TBCK: variants seen among roughly 807,000 people sequenced by gnomAD.
The protein encoded by TBCK is TBC domain-containing protein kinase-like protein.
In TBCK, 99 loss-of-function variants were observed where a neutral mutation model predicts 113.4. The observed-to-expected ratio is 0.87, with a 90% confidence interval of 0.74 to 1.03. The LOEUF (loss-of-function observed/expected upper bound fraction) is 1.03, where lower values mean the gene tolerates loss of function less well. Among genes scored for constraint, TBCK ranks in the 50% least tolerant of loss-of-function variants. The pLI is 0.00. For synonymous variants in TBCK, 369 were observed against 370.8 expected, an observed-to-expected ratio of 1.00 and a Z score of 0.05; for missense variants, 1,045 against 1,061.3, an observed-to-expected ratio of 0.98 and a Z score of 0.21.
At chr4:106,050,686 C>T (rs1344542600) in intron 25 of TBCK, among the ~76,000 whole-genome samples, 1 of 152,026 alleles carries the variant, frequency 6.6e-6, no homozygotes, top group Non-Finnish European at 1.5e-5. Context: ...CTAAGGCCCA[C>T]TATAGGGCTA....
rs890434423 is a variant in TBCK at position 106,043,362 on chromosome 4, T to C, written c.*3208A>G. On this transcript the variant is annotated 3_prime_UTR_variant, in exon 26 of 26. Coordinates refer to ENST00000394708, the MANE Select transcript of TBCK (RefSeq NM_001163435.3). ...GAGATTTCAATTTATTTCTATACTA[T>C]CAGGTACCAGATAAGTTTGGCAGTT... is the stretch of plus-strand genomic sequence containing the variant. 6.6e-6 allele frequency: 1 copy of C among 152,176 alleles called. No homozygotes were observed. The highest frequency in any genetic ancestry group is 1.9e-4 in the East Asian group (1 of 5,194). 9.4% of individuals were successfully genotyped at this position (152,176 alleles called of 1,614,324 possible).
At chr4:106,204,930 T>C (rs1476365465) in intron 20 of TBCK, among the ~76,000 whole-genome samples, 1 of 149,454 alleles carries the variant, frequency 6.7e-6, no homozygotes, top group Non-Finnish European at 1.5e-5. Flanking sequence ...CGCGCCCGGC[T>C]AATTTTTTGT....
rs544852175 is a variant in TBCK, at chr4:106,117,854, A to C, written c.2236-1476T>G. Among the ~76,000 whole-genome samples the C allele has an allele frequency of 3.9e-5, 6 of 152,120 alleles. No individual in the cohort carries two copies. In the South Asian group the frequency reaches 8.3e-4, roughly 21 times the overall value. On this transcript the variant is annotated intron_variant, in intron 23 of 25. Transcript: ENST00000394708. ...GAAACCCTGTCTCTACTAAAAATAC[A>C]AAAAATTAGCCGGGCGTGGCAGTGG...
chr4:106,243,219 G>T (rs1456478494), intron 11 of TBCK, among the ~76,000 whole-genome samples: 2 of 151,968 alleles, frequency 1.3e-5, no homozygotes, highest in Non-Finnish European at 2.9e-5. Flanking sequence ...GAGAATTTCA[G>T]AAAAACAAAA....
chr4:106,066,646 C>G (rs1736676011), intron 25 of TBCK, among the ~76,000 whole-genome samples: 1 of 151,958 alleles, frequency 6.6e-6, no homozygotes, highest in Non-Finnish European at 1.5e-5. Flanking sequence ...TTCATCATCT[C>G]AGAGAAACTT....
intron 20 of TBCK, among the ~76,000 whole-genome samples, chr4:106,202,980 AGAT>A (rs925930134): frequency 1.3e-5 from 2 of 152,086 alleles, no homozygotes; most frequent in Admixed American, 6.5e-5. Flanking sequence ...AATTATAAAT[AGAT>A]GATATAGAAA....
At chr4:106,263,816 G>C (rs62318085) in intron 3 of TBCK, among the ~76,000 whole-genome samples, 10,954 of 151,932 alleles carry the variant, frequency 0.072, 457 homozygotes, top group Middle Eastern at 0.12. Flanking sequence ...TTTCCAGAGG[G>C]AATCAGCAGG....
intron 25 of TBCK, among the ~76,000 whole-genome samples, chr4:106,082,870 A>G (rs1370893106): frequency 6.6e-6 from 1 of 152,186 alleles, no homozygotes; most frequent in Non-Finnish European, 1.5e-5. Flanking sequence ...AGGGAAGGGG[A>G]ACTTCCCTCA....
intron 3 of TBCK, among the ~76,000 whole-genome samples, chr4:106,285,861 T>C (rs1765059738): frequency 6.6e-6 from 1 of 152,244 alleles, no homozygotes; most frequent in African/African-American, 2.4e-5. Context: ...TAAGAACATC[T>C]TCTCACTTTC....
At chr4:106,126,188 A>G (rs1745192129) in intron 23 of TBCK, among the ~76,000 whole-genome samples, 1 of 152,168 alleles carries the variant, frequency 6.6e-6, no homozygotes, top group Admixed American at 6.5e-5. Flanking sequence ...TTCTCTGTGA[A>G]GAAGGCCTTT....
intron 10 of TBCK, among the ~76,000 whole-genome samples, chr4:106,245,489 TC>T (rs1760695441): frequency 3.9e-5 from 6 of 152,144 alleles, no homozygotes. Context: ...CTGTAGTCAG[TC>T]CTACAATTTA....
chr4:106,237,604 G>A, intron 12 of TBCK: 1 of 450,146 alleles, frequency 2.2e-6, no homozygotes, highest in South Asian at 1.6e-5. Flanking sequence ...GCTGATTAGA[G>A]TCTTTGTGCA....
rs1171520510 is a variant in TBCK, at chr4:106,219,192, G to A, written c.1775-6357C>T. Among the ~76,000 whole-genome samples the A allele has an allele frequency of 2.2e-5, 3 of 137,430 alleles. No individual in the cohort carries two copies. In the East Asian group the frequency reaches 6.5e-4, roughly 30 times the overall value. The allele number at this position is 137,430 out of a possible 152,430, so 90.2% of individuals were successfully genotyped here. A position where few individuals can be genotyped will look rare whatever the true frequency, so the allele number is the denominator to read the frequency against. ...CAATGAGATCACATGGACACAGGAA[G>A]GGGAACATCACACTCTGGGGCCTGT... On this transcript the variant is annotated intron_variant, in intron 19 of 25. Coordinates refer to ENST00000394708, the MANE Select transcript of TBCK (RefSeq NM_001163435.3).
upstream of TBCK, chr4:106,316,531 C>G (rs773521300): frequency 3.2e-6 from 5 of 1,551,498 alleles, no homozygotes; most frequent in South Asian, 4.8e-5. Flanking sequence ...CTATAGTACG[C>G]GGGTGGCTGG....
At position 106,287,577 on chromosome 4, in the gene TBCK, T is replaced by C. The variant is rs115869894; in HGVS notation, c.266+7517A>G. Among the ~76,000 whole-genome samples, 849 of 152,320 alleles carry C rather than the reference T, an allele frequency of 5.6e-3. 9 individuals are homozygous for C. Among genetic ancestry groups the C allele is most frequent in the African/African-American group, 0.016 (683 of 41,584 alleles). Reference sequence around the variant, plus strand: ...TTGCAGGAATAACAGTGTGTGTTTGTTGACACTAGGTTACCAAAGCCACTG... The same window carrying C: ...TTGCAGGAATAACAGTGTGTGTTTGCTGACACTAGGTTACCAAAGCCACTG... On this transcript the variant is annotated intron_variant, in intron 3 of 25. Coordinates refer to ENST00000394708, the MANE Select transcript of TBCK (RefSeq NM_001163435.3).
At chr4:106,289,566 C>T (rs923862595) in intron 3 of TBCK, among the ~76,000 whole-genome samples, 11 of 151,910 alleles carry the variant, frequency 7.2e-5, no homozygotes, top group Non-Finnish European at 1.3e-4. Context: ...GTCAGGAGTT[C>T]GAGACCAGCC....
rs146552889 is a variant in TBCK, at chr4:106,293,604, G to T, written c.266+1490C>A. On this transcript the variant is annotated intron_variant, in intron 3 of 25. Coordinates refer to ENST00000394708, the MANE Select transcript of TBCK (RefSeq NM_001163435.3). Reference sequence around the variant, plus strand: ...GGTGCCAAAAAGTTTGGGGACTGCTGGTATATACATGATATCTGCATTTTT... The same window carrying T: ...GGTGCCAAAAAGTTTGGGGACTGCTTGTATATACATGATATCTGCATTTTT... Among the ~76,000 whole-genome samples, 582 of 152,088 alleles carry T rather than the reference G, an allele frequency of 3.8e-3. 4 individuals carry two copies. Among genetic ancestry groups the T allele is most frequent in the Middle Eastern group, 0.017 (5 of 292 alleles).
At chr4:106,120,317 G>A (rs938495539) in intron 23 of TBCK, among the ~76,000 whole-genome samples, 1 of 152,066 alleles carries the variant, frequency 6.6e-6, no homozygotes, top group Non-Finnish European at 1.5e-5. Context: ...AGGGTCTTAC[G>A]CCCACAGAGT....
At chr4:106,307,451 G>C (rs1767655562) in intron 2 of TBCK, among the ~76,000 whole-genome samples, 1 of 151,964 alleles carries the variant, frequency 6.6e-6, no homozygotes, top group South Asian at 2.1e-4. Context: ...TTTCTACTCA[G>C]TCTATAAAAC....
Sources: gnomAD v4.1 joint callset for allele counts (sites outside exome capture counted in the v4.1 genomes callset) on GRCh38, gnomAD v4.1.1 for gene constraint, MANE v1.5 for transcripts, NCBI Gene and HGNC (gene_info 2026-07-23, HGNC 2026-07-21) for gene names.